Variants in ELMO3 observed in about 807,000 individuals in gnomAD.
ELMO3 encodes the protein engulfment and cell motility 3.
Under a neutral mutation model 89.0 loss-of-function variants are expected in ELMO3, and 81 were observed. The observed-to-expected ratio is 0.91, with a 90% CI of 0.76 to 1.09. The LOEUF is 1.09. Among genes scored for constraint, ELMO3 ranks in the 50% least tolerant of loss-of-function variants. ELMO3 has a pLI of 0.00. For synonymous variants in ELMO3, 406 were observed against 400.6 expected, an observed-to-expected ratio of 1.01 and a Z score of -0.16; for missense variants, 959 against 972.8, an observed-to-expected ratio of 0.99 and a Z score of 0.19.
At chr16:67,201,704 T>C (rs751527760) in intron 10 of ELMO3, 38 bp from the exon 11 acceptor site, 9 of 1,607,776 alleles carry the variant, frequency 5.6e-6, no homozygotes, top group South Asian at 2.2e-5. Context: ...GAATCTATAA[T>C]CTTGATCCCC....
rs1357544210 is a variant in ELMO3, at chr16:67,200,776, G to A, written c.633G>A (p.Val211=). 8.7e-6 allele frequency: 14 copies of A among 1,613,358 alleles called. No individual in the cohort carries two copies. In the Admixed American group the frequency reaches 1.0e-4, roughly 12 times the overall value. ...PALGQLVKSE[V]PLDRLLVHLQ... ...TGGGCCAGCTGGTCAAGAGCGAGGT[G>A]CCCCTGGATAGGCTGCTGGTGCACC... Residue 211 remains valine (V), a synonymous_variant, in exon 7 of 20, where the codon GTG becomes GTA. Coordinates refer to ENST00000393997, the MANE Select transcript of ELMO3 (RefSeq NM_024712.5).
chr16:67,203,822 C>A lies in ELMO3; in HGVS notation c.2108C>A (p.Pro703His). 1 of 1,605,788 alleles carries A rather than the reference C, an allele frequency of 6.2e-7. No individual in the cohort carries two copies. The highest frequency in any genetic ancestry group is 1.7e-5 in the Admixed American group (1 of 59,710). Reference sequence around the variant, plus strand: ...ATCCCCGAGCGGCCACCCCCTGTGCCCCCACCCCCCACCAACTTCAACTTC... The same window carrying A: ...ATCCCCGAGCGGCCACCCCCTGTGCACCCACCCCCCACCAACTTCAACTTC... ...VPIPERPPPVPPPPTNFNFCY... is the reference protein window; with the variant it reads ...VPIPERPPPVHPPPTNFNFCY... Residue 703 changes from proline to histidine, a missense_variant, in exon 20 of 20, where the codon CCC (proline) becomes CAC (histidine). Pro to His is a moderately conservative substitution (Grantham distance 77). Coordinates refer to ENST00000393997, the MANE Select transcript of ELMO3 (RefSeq NM_024712.5). The surrounding 1 kb of genome is among the most constrained non-coding windows in gnomAD (Gnocchi z 4.6).
chr16:67,203,223 C>T lies in ELMO3; in HGVS notation c.1780C>T (p.Leu594Phe), dbSNP rs745804278. 4.4e-6 allele frequency: 7 copies of T among 1,606,558 alleles called. No homozygotes were observed. Among genetic ancestry groups the T allele is most frequent in the East Asian group, 2.2e-5 (1 of 44,786 alleles). The change falls in exon 17 of 20, where the codon CTC (leucine) becomes TTC (phenylalanine). Residue 594 changes from leucine to phenylalanine, a missense_variant and splice_region_variant. Transcript: ENST00000393997. This position sits in a 1 kb window ranked among gnomAD's most constrained non-coding sequence, Gnocchi z 4.6. ...TACCCTGGAGAGTCTGCCCGAGCAA[C>T]GTAAGGCGGGCAGGGGCGGGGGCCA... is the stretch of plus-strand genomic sequence containing the variant. ...PPTLESLPEQ[L>F]PVADMRALLT... is the part of the protein sequence containing the mutation.
Position 67,199,343 on chromosome 16 carries a change from A to T in ELMO3, c.17A>T (p.Asn6Ile). 6.2e-7 allele frequency: 1 copy of T among 1,610,956 alleles called. No homozygotes were observed. Among genetic ancestry groups the T allele is most frequent in the Non-Finnish European group, 8.5e-7 (1 of 1,179,218 alleles). The change falls in exon 1 of 20, where the codon AAC (asparagine) becomes ATC (isoleucine). Residue 6 changes from asparagine (N) to isoleucine (I), a missense_variant. Coordinates refer to ENST00000393997, the MANE Select transcript of ELMO3 (RefSeq NM_024712.5). The stretch of plus-strand genomic sequence containing the variant: ...AGCTGGACCATGGCGCCTCCGCGGA[A>T]CGTGGTGAAGATTGCCATCAAGATG... MAPPR[N>I]VVKIAIKMRD...
At chr16:67,202,133 T>C in intron 12 of ELMO3, 43 bp from the exon 13 acceptor site, 2 of 1,604,698 alleles carry the variant, frequency 1.2e-6, no homozygotes, top group East Asian at 2.2e-5. Flanking sequence ...AGGGTCCCCA[T>C]GGGCTTAGCT....
Position 67,202,271 on chromosome 16 carries a change from T to C in ELMO3, c.1248T>C (p.Arg416=). ...CGGTGCTGCTGTGTGAGCTGCTCCG[T>C]GTTGGGGAGCCCTGTGAGTGGCCTG... ...QLTVLLCELL[R]VGEPCSETAQ... Residue 416 remains arginine (R), a synonymous_variant, in exon 13 of 20, where the codon CGT becomes CGC. Coordinates refer to ENST00000393997, the MANE Select transcript of ELMO3 (RefSeq NM_024712.5). The C allele has an allele frequency of 1.2e-6, 2 of 1,608,770 alleles. No individual in the cohort carries two copies. Among genetic ancestry groups the C allele is most frequent in the Non-Finnish European group, 8.5e-7 (1 of 1,176,540 alleles).
chr16:67,201,566 A>G lies in ELMO3; in HGVS notation c.842A>G (p.His281Arg). ...AAPMGDEMAH[H>R]LYVLQALMLG... ...CCAATGGGCGACGAGATGGCTCATC[A>G]CCTGTACGTACTGCAGGCTCTCATG... Residue 281 changes from histidine (H) to arginine (R), a missense_variant, in exon 10 of 20, where the codon CAC becomes CGC. By Grantham distance (29) the His-to-Arg change is conservative. Coordinates refer to ENST00000393997, the MANE Select transcript of ELMO3 (RefSeq NM_024712.5). The G allele has an allele frequency of 1.2e-6, 2 of 1,613,954 alleles. No individual in the cohort carries two copies. Among genetic ancestry groups the G allele is most frequent in the Middle Eastern group, 1.6e-4 (1 of 6,062 alleles).
intron 4 of ELMO3, 79 bp downstream of exon 4, chr16:67,200,080 C>T (rs1224868042): frequency 1.9e-6 from 3 of 1,568,584 alleles, no homozygotes; most frequent in Admixed American, 1.8e-5. Context: ...CGGAGGCCCC[C>T]GCCCCAGCCC....
rs756798007 is a variant in ELMO3 at position 67,203,718 on chromosome 16, C to T, written c.2004C>T (p.Ser668=). The T allele has an allele frequency of 3.8e-5, 62 of 1,612,408 alleles. No individual in the cohort carries two copies. Among genetic ancestry groups the T allele is most frequent in the East Asian group, 1.3e-4 (6 of 44,886 alleles). ...CCTTGCTGGGCAGTCCCATGGGCAG[C>T]GAGCAGACACGGCTGGACCTGGAGC... ...LSALLGSPMG[S]EQTRLDLEQL... The change falls in exon 20 of 20, where the codon AGC becomes AGT. Residue 668 remains serine (S), a synonymous_variant. Transcript: ENST00000393997. This position sits in a 1 kb window ranked among gnomAD's most constrained non-coding sequence, Gnocchi z 4.6.
In ELMO3 at chr16:67,203,004, G is replaced by A. The variant is rs867225573; in HGVS notation, c.1675G>A (p.Asp559Asn). Residue 559 changes from aspartate to asparagine, a missense_variant and splice_region_variant, in exon 16 of 20, where the codon GAT (aspartate) becomes AAT (asparagine). Physicochemically the swap from Asp to Asn is conservative, Grantham distance 23. Coordinates refer to ENST00000393997, the MANE Select transcript of ELMO3 (RefSeq NM_024712.5). This position sits in a 1 kb window ranked among gnomAD's most constrained non-coding sequence, Gnocchi z 4.6. The part of the protein sequence containing the change: ...FRKISSRRRQ[D>N]KLWFCCLSPN... ...CAAGATCAGCAGCCGGCGGCGCCAG[G>A]GTCTCTGAATGGGCATGGGCAGGGG... The A allele has an allele frequency of 1.2e-5, 19 of 1,605,152 alleles. No homozygotes were observed. Among genetic ancestry groups the A allele is most frequent in the Middle Eastern group, 1.6e-4 (1 of 6,080 alleles).
rs752552747 is a variant in ELMO3, at chr16:67,203,593, C to T, written c.1950+10C>T. On this transcript the variant is annotated intron_variant, in intron 19 of 19. Coordinates refer to ENST00000393997, the MANE Select transcript of ELMO3 (RefSeq NM_024712.5). The surrounding 1 kb of genome is among the most constrained non-coding windows in gnomAD (Gnocchi z 4.6). The stretch of plus-strand genomic sequence containing the variant: ...CCCCTCCAAGCGGGAGGTGAGTGTC[C>T]GCCAGGCTGAGGTCGGCAGGTGGGC... 7.4e-6 allele frequency: 12 copies of T among 1,614,022 alleles called. No individual in the cohort carries two copies. The highest frequency in any genetic ancestry group is 2.2e-5 in the East Asian group (1 of 44,872).
Position 67,202,789 on chromosome 16 carries a change from C to T in ELMO3, c.1561C>T (p.Leu521=), listed in dbSNP as rs2033147309. The change falls in exon 15 of 20, where the codon CTG becomes TTG. Residue 521 remains leucine (L), a splice_region_variant and synonymous_variant. Coordinates refer to ENST00000393997, the MANE Select transcript of ELMO3 (RefSeq NM_024712.5). Reference sequence around the variant, plus strand: ...GGAGGGCACACTGGCTCCCCCTATACTGTGAGTCTGGGGGGATGGATCCTC... The same window carrying T: ...GGAGGGCACACTGGCTCCCCCTATATTGTGAGTCTGGGGGGATGGATCCTC... The part of the protein sequence containing the change: ...HQEGTLAPPI[L]ELREKLKPEL... 2 of 1,613,100 alleles carry T rather than the reference C, an allele frequency of 1.2e-6. No individual in the cohort carries two copies. Among genetic ancestry groups the T allele is most frequent in the Non-Finnish European group, 1.7e-6 (2 of 1,179,776 alleles).
In ELMO3 at chr16:67,202,098, G is replaced by T. The variant is rs372958358; in HGVS notation, c.1152+20G>T. ...AGCCGGGTCGGTGACAGGGTAGGGT[G>T]GGGGGGTGGCAGCATCCCCCAGGCA... On this transcript the variant is annotated intron_variant, in intron 12 of 19. Transcript: ENST00000393997. The T allele has an allele frequency of 6.9e-6, 11 of 1,604,142 alleles. No individual in the cohort carries two copies. Among genetic ancestry groups the T allele is most frequent in the East Asian group, 2.2e-5 (1 of 44,756 alleles).
Position 67,201,737 on chromosome 16 carries a change from C to A in ELMO3, c.919-5C>A. On this transcript the variant is annotated splice_region_variant and splice_polypyrimidine_tract_variant and intron_variant, in intron 10 of 19. Transcript: ENST00000393997. ...CCCTCCCCCGCCACCCAACACTGACCCCAGGAGCAGCGGGAGCAGCTGCAG... is the reference window on the plus strand; with the variant it reads ...CCCTCCCCCGCCACCCAACACTGACACCAGGAGCAGCGGGAGCAGCTGCAG... The A allele has an allele frequency of 6.2e-7, 1 of 1,609,454 alleles. No individual in the cohort carries two copies. Among genetic ancestry groups the A allele is most frequent in the Non-Finnish European group, 8.5e-7 (1 of 1,180,002 alleles).
rs764663794 is a variant in ELMO3, at chr16:67,201,377, C to T, written c.745-8C>T. On this transcript the variant is annotated splice_region_variant and splice_polypyrimidine_tract_variant and intron_variant, in intron 8 of 19. Transcript: ENST00000393997. ...CAGCCTAAGCCCCCTTTCTTTCTAC[C>T]CCCTCAGCACATGCTTGACTATCTT... 2.3e-5 allele frequency: 37 copies of T among 1,613,902 alleles called. No homozygotes were observed. Among genetic ancestry groups the T allele is most frequent in the Non-Finnish European group, 3.0e-5 (35 of 1,179,986 alleles).
chr16:67,200,969 G>A lies in ELMO3; in HGVS notation c.744+1G>A. 1 of 1,598,702 alleles carries A rather than the reference G, an allele frequency of 6.3e-7. No homozygotes were observed. The highest frequency in any genetic ancestry group is 8.5e-7 in the Non-Finnish European group (1 of 1,176,088). On this transcript the variant is annotated splice_donor_variant, in intron 8 of 19. Transcript: ENST00000393997. LOFTEE classifies it high-confidence loss of function. ...GGGGGCCAGCCCTGTGGAACGCAAG[G>A]TGAGTGTCGATCGGTGGCTAGATGG...
rs377314519 is a variant in ELMO3, at chr16:67,201,414, C to A, written c.774C>A (p.Asn258Lys). The A allele has an allele frequency of 6.2e-6, 10 of 1,613,948 alleles. No individual in the cohort carries two copies. Among genetic ancestry groups the A allele is most frequent in the South Asian group, 1.1e-5 (1 of 91,084 alleles). The change falls in exon 9 of 20, where the codon AAC becomes AAA. Residue 258 changes from asparagine (N) to lysine (K), a missense_variant. Asn to Lys is a moderately conservative substitution (Grantham distance 94). Coordinates refer to ENST00000393997, the MANE Select transcript of ELMO3 (RefSeq NM_024712.5). ...TGCTTGACTATCTTTGGCAGAGGAA[C>A]CTTCGCCAGTTCATCTATAAGGTAG... ...KHMLDYLWQR[N>K]LRQFIYKNII... is the part of the protein sequence containing the mutation.
rs1470410379 is a variant in ELMO3, at chr16:67,203,672, T to G, written c.1958T>G (p.Leu653Arg). The G allele has an allele frequency of 5.6e-6, 9 of 1,613,704 alleles. No individual in the cohort carries two copies. The highest frequency in any genetic ancestry group is 6.8e-6 in the Non-Finnish European group (8 of 1,179,904). Residue 653 changes from leucine (L) to arginine (R), a missense_variant, in exon 20 of 20, where the codon CTG (leucine) becomes CGG (arginine). Leu to Arg is a moderately radical substitution (Grantham distance 102). Transcript: ENST00000393997. The surrounding 1 kb of genome is among the most constrained non-coding windows in gnomAD (Gnocchi z 4.6). ...FIAPSKREFY[L>R]WTDGLSALLG... ...GCTCTGTGCCACCCCCAGTTCTACC[T>G]GTGGACAGATGGGCTCAGTGCCTTG...
chr16:67,199,795 A>G (rs2142217345), intron 3 of ELMO3, 39 bp downstream of exon 3: 1 of 1,601,766 alleles, frequency 6.2e-7, no homozygotes, highest in East Asian at 2.3e-5. Context: ...CGGCCTTCCG[A>G]CCCCTCTAAC....
Sources: allele counts gnomAD v4.1 joint callset, GRCh38; gene constraint gnomAD v4.1.1; non-coding constraint Gnocchi (gnomAD v3.1); transcripts MANE v1.5; gene names NCBI Gene and HGNC (gene_info 2026-07-23, HGNC 2026-07-21).